The following ARHGAP29 variants were observed in gnomAD, a reference collection of about 807,000 sequenced individuals.
ARHGAP29 encodes the protein rho GTPase-activating protein 29.
ARHGAP29 carries 43 observed loss-of-function variants against 122.6 expected under a neutral mutation model. The observed-to-expected ratio is 0.35, with a 90% CI of 0.27 to 0.45. ARHGAP29 has a LOEUF of 0.45. Among genes scored for constraint, ARHGAP29 ranks in the 20% least tolerant of loss-of-function variants. The pLI is 1.00. For synonymous variants in ARHGAP29, 506 were observed against 497.1 expected (o/e 1.02, Z -0.24); for missense variants, 1,303 against 1,477.2 (o/e 0.88, Z 1.93).
chr1:94,194,019 CGGT>C (rs1251494599), intron 12 of ARHGAP29: 6 of 152,042 alleles, frequency 3.9e-5, no homozygotes, highest in Admixed American at 2.6e-4. Context: ...GGAACTTCTA[CGGT>C]GGTGATGCTT....
intron 1 of ARHGAP29, among the ~76,000 whole-genome samples, chr1:94,268,061 CA>C (rs553319525): frequency 1.3e-5 from 2 of 151,884 alleles, no homozygotes; most frequent in African/African-American, 4.8e-5. Flanking sequence ...TTCTGATAAA[CA>C]AAAAAACTAG....
rs760397886 is a variant in ARHGAP29 at position 94,220,382 on chromosome 1, T to C, written c.216A>G (p.Lys72=). ...LKEAIFSDCF[K]EVIHIRLEEL... is the part of the protein sequence containing the mutation. ...CCTCTAGACGTATATGAATAACTTC[T>C]TTAAAACAGTCTTTAAAAAGAAAAA... The change falls in exon 3 of 23, where the codon AAA becomes AAG. Residue 72 remains lysine, a synonymous_variant. Coordinates refer to ENST00000260526, the MANE Select transcript of ARHGAP29 (RefSeq NM_004815.4). 1.9e-6 allele frequency: 3 copies of C among 1,594,206 alleles called. No individual in the cohort carries two copies. The highest frequency in any genetic ancestry group is 2.6e-6 in the Non-Finnish European group (3 of 1,171,100).
chr1:94,219,614 T>C (rs903894822), intron 3 of ARHGAP29, among the ~76,000 whole-genome samples: 1 of 152,178 alleles, frequency 6.6e-6, no homozygotes, highest in African/African-American at 2.4e-5. Context: ...CCTATTTCCC[T>C]GCCTCCTGTC....
Position 94,187,613 on chromosome 1 carries a change from T to C in ARHGAP29, c.1682-1016A>G, listed in dbSNP as rs144926693. Among the ~76,000 whole-genome samples the C allele has an allele frequency of 4.3e-3, 648 of 152,306 alleles. 6 individuals carry two copies. Among genetic ancestry groups the C allele is most frequent in the Non-Finnish European group, 4.9e-3 (334 of 68,018 alleles). On this transcript the variant is annotated intron_variant, in intron 15 of 22. Transcript: ENST00000260526. The stretch of plus-strand genomic sequence containing the variant: ...AGTATTTGAAGACAGCTGACAGGTC[T>C]CCAATTTTCCTTTTTCCCAGGCAAG...
At chr1:94,230,861 T>C (rs1170973734) in intron 2 of ARHGAP29, among the ~76,000 whole-genome samples, 2 of 151,808 alleles carry the variant, frequency 1.3e-5, no homozygotes, top group Non-Finnish European at 3.0e-5. Flanking sequence ...CAGAGTCTCA[T>C]GCTCCATTAT....
intron 1 of ARHGAP29, among the ~76,000 whole-genome samples, chr1:94,232,578 A>G (rs115948191): frequency 0.011 from 1,650 of 152,310 alleles, 30 homozygotes; most frequent in African/African-American, 0.037. Flanking sequence ...TCCTGGCTCT[A>G]GTATTTTCTA....
intron 1 of ARHGAP29, among the ~76,000 whole-genome samples, chr1:94,236,847 G>A (rs1653304696): frequency 6.6e-6 from 1 of 152,140 alleles, no homozygotes; most frequent in Non-Finnish European, 1.5e-5. Context: ...GAGCCCAACT[G>A]GAGTGAGGGC....
At chr1:94,289,661 G>A in the ARHGAP29 span, among the ~76,000 whole-genome samples, 3 of 152,138 alleles carry the variant, frequency 2.0e-5, no homozygotes, top group South Asian at 2.1e-4. Context: ...TTTGAGATAC[G>A]TTCCGTCAAT....
At chr1:94,313,682 T>C in the ARHGAP29 span, among the ~76,000 whole-genome samples, 3 of 152,330 alleles carry the variant, frequency 2.0e-5, no homozygotes, top group East Asian at 5.8e-4. Context: ...CACACATATG[T>C]TTATTGCGGC....
chr1:94,292,241 A>G, the ARHGAP29 span, among the ~76,000 whole-genome samples: 1 of 152,102 alleles, frequency 6.6e-6, no homozygotes, highest in Admixed American at 6.5e-5. Context: ...CACTTAATCA[A>G]ATTGGCTACT....
chr1:94,230,655 G>A (rs1652868738), intron 2 of ARHGAP29, among the ~76,000 whole-genome samples: 1 of 151,654 alleles, frequency 6.6e-6, no homozygotes. Flanking sequence ...AAATAACACT[G>A]AGAATCTTCA....
At chr1:94,301,717 G>A in the ARHGAP29 span, among the ~76,000 whole-genome samples, 2 of 152,134 alleles carry the variant, frequency 1.3e-5, no homozygotes, top group Non-Finnish European at 2.9e-5. Context: ...ACAATAGAAT[G>A]CCTTTCTGCA....
At chr1:94,314,496 A>G in the ARHGAP29 span, among the ~76,000 whole-genome samples, 1 of 152,186 alleles carries the variant, frequency 6.6e-6, no homozygotes, top group African/African-American at 2.4e-5. Context: ...TTACAGATGA[A>G]GTTTTCTCTC....
chr1:94,226,718 T>C (rs931234154), intron 2 of ARHGAP29, among the ~76,000 whole-genome samples: 1 of 151,774 alleles, frequency 6.6e-6, no homozygotes, highest in Non-Finnish European at 1.5e-5. Flanking sequence ...GTGTAATAAA[T>C]GAGCTACTTG....
At chr1:94,304,240 A>C in the ARHGAP29 span, among the ~76,000 whole-genome samples, 9 of 152,340 alleles carry the variant, frequency 5.9e-5, no homozygotes, top group East Asian at 1.7e-3. Flanking sequence ...CCCAGGCTAA[A>C]GCTATCCTCT....
At chr1:94,247,904 TGTCCCAACCGCGGCCGC>T (rs140817356) in intron 1 of ARHGAP29, 18,217 of 158,740 alleles carry the variant, frequency 0.11, 1,263 homozygotes, top group African/African-American at 0.18. Flanking sequence ...GGCCTGAAGT[TGTCCCAACCGCGGCCGC>T]GTCGGTCGCC....
chr1:94,181,576 T>C (rs927638664), intron 19 of ARHGAP29, among the ~76,000 whole-genome samples: 1 of 152,074 alleles, frequency 6.6e-6, no homozygotes, highest in Non-Finnish European at 1.5e-5. Context: ...CAGAAACCTA[T>C]AGAGATAGAG....
At chr1:94,223,909 G>C (rs1349824583) in intron 2 of ARHGAP29, among the ~76,000 whole-genome samples, 1 of 151,824 alleles carries the variant, frequency 6.6e-6, no homozygotes, top group Non-Finnish European at 1.5e-5. Context: ...CCGGGTTCAA[G>C]CAATTCTTCT....
chr1:94,306,895 T>C, the ARHGAP29 span, among the ~76,000 whole-genome samples: 1 of 152,216 alleles, frequency 6.6e-6, no homozygotes, highest in Non-Finnish European at 1.5e-5. Flanking sequence ...AGATAAATTA[T>C]TTATACAATA....
Sources: gnomAD v4.1 joint callset for allele counts (sites outside exome capture counted in the v4.1 genomes callset) on GRCh38, gnomAD v4.1.1 for gene constraint, MANE v1.5 for transcripts, NCBI Gene and HGNC (gene_info 2026-07-23, HGNC 2026-07-21) for gene names.